Variants in PIGF observed in about 807,000 individuals in gnomAD.
PIGF encodes phosphatidylinositol glycan anchor biosynthesis class F.
PIGF carries 23 observed loss-of-function variants against 26.0 expected under a neutral mutation model. That is an observed-to-expected ratio of 0.88 (90% CI 0.64 to 1.25). PIGF has a LOEUF of 1.25. Among genes scored for constraint, PIGF ranks in the 50% most tolerant of loss-of-function variants. PIGF has a pLI of 0.00. For synonymous variants in PIGF, 93 were observed against 92.6 expected (o/e 1.00, Z -0.03); for missense variants, 278 against 249.9 (o/e 1.11, Z -0.76).
chr2:46,607,213 C>A (rs1012166537), intron 4 of PIGF, among the ~76,000 whole-genome samples: 2 of 152,220 alleles, frequency 1.3e-5, no homozygotes, highest in Admixed American at 6.5e-5. Flanking sequence ...GCCACACATA[C>A]GCACATCTGG....
chr2:46,608,686 GA>G (rs1297100200), intron 4 of PIGF, among the ~76,000 whole-genome samples: 2 of 152,032 alleles, frequency 1.3e-5, no homozygotes, highest in Admixed American at 1.3e-4. Flanking sequence ...TTGTAGGCAT[GA>G]AAAAAACATT....
In PIGF at chr2:46,606,847, A is replaced by T. The variant is rs370839644; in HGVS notation, c.437+5381T>A. Among the ~76,000 whole-genome samples, 4 of 152,272 alleles carry T rather than the reference A, an allele frequency of 2.6e-5. No homozygotes were observed. The East Asian group carries it at 5.8e-4, about 22-fold the overall frequency. On this transcript the variant is annotated intron_variant, in intron 4 of 5. Transcript: ENST00000281382. ...AACCAAAATGCAAAATGTGGAAAGA[A>T]CCTAGATGTCCATCAACTGATAAAT...
rs754858821 is a variant in PIGF at position 46,588,196 on chromosome 2, G to T, written c.546+4279C>A. On this transcript the variant is annotated intron_variant, in intron 5 of 5. Transcript: ENST00000281382. The surrounding 1 kb of genome is among the most constrained non-coding windows in gnomAD (Gnocchi z 4.1). ...TACTGTCATCTGAAATGTCAGACAGGATTGAAAATTATGTGAAATCCAAAT... is the reference window on the plus strand; with the variant it reads ...TACTGTCATCTGAAATGTCAGACAGTATTGAAAATTATGTGAAATCCAAAT... The T allele has an allele frequency of 1.2e-5, 20 of 1,609,818 alleles. No homozygotes were observed. In the East Asian group the frequency reaches 2.9e-4, roughly 23 times the overall value.
At chr2:46,582,595 T>C (rs548419815) in intron 5 of PIGF, 1 of 152,716 alleles carries the variant, frequency 6.5e-6, no homozygotes, top group South Asian at 2.1e-4. Flanking sequence ...TAGCCTTTCC[T>C]ACATTTAAAC....
chr2:46,585,120 G>A lies in PIGF; in HGVS notation c.547-3529C>T, dbSNP rs1669528946. Among the ~76,000 whole-genome samples the A allele has an allele frequency of 2.0e-5, 3 of 152,230 alleles. No homozygotes were observed. In the South Asian group the frequency reaches 6.2e-4, roughly 32 times the overall value. ...TATCTATTAAATACATAATTCAGCT[G>A]CACTGCTATAAAGATTTCTCCAAAT... On this transcript the variant is annotated intron_variant, in intron 5 of 5. Transcript: ENST00000281382.
In PIGF at chr2:46,601,874, C is replaced by T. The variant is rs1670067383; in HGVS notation, c.438-9291G>A. Reference sequence around the variant, plus strand: ...CTCTTGGCAAGATTTTTGTTTAGTACTATTCAGGAATCTATTTAGTTCACC... The same window carrying T: ...CTCTTGGCAAGATTTTTGTTTAGTATTATTCAGGAATCTATTTAGTTCACC... On this transcript the variant is annotated intron_variant, in intron 4 of 5. Coordinates refer to ENST00000281382, the MANE Select transcript of PIGF (RefSeq NM_002643.4). Among the ~76,000 whole-genome samples the T allele has an allele frequency of 4.0e-5, 6 of 151,882 alleles. No homozygotes were observed. In the South Asian group the frequency reaches 1.2e-3, roughly 31 times the overall value.
Position 46,605,963 on chromosome 2 carries a change from T to C in PIGF, c.437+6265A>G, listed in dbSNP as rs544760127. 1.2e-3 allele frequency among the ~76,000 whole-genome samples: 179 copies of C among 152,324 alleles called. 1 individual carries two copies. Among genetic ancestry groups the C allele is most frequent in the African/African-American group, 3.9e-3 (164 of 41,590 alleles). Reference sequence around the variant, plus strand: ...TATATAAAATGTTTCACATTATAAATTGATAATTTTTAGCCATAGTCCTCT... The same window carrying C: ...TATATAAAATGTTTCACATTATAAACTGATAATTTTTAGCCATAGTCCTCT... On this transcript the variant is annotated intron_variant, in intron 4 of 5. Coordinates refer to ENST00000281382, the MANE Select transcript of PIGF (RefSeq NM_002643.4).
In PIGF at chr2:46,615,471, C is replaced by G. The variant is rs182243987; in HGVS notation, c.-21-286G>C. On this transcript the variant is annotated intron_variant, in intron 1 of 5. Coordinates refer to ENST00000281382, the MANE Select transcript of PIGF (RefSeq NM_002643.4). Reference sequence around the variant, plus strand: ...TCTGCAAAAGGGTCATGTCCTAGGACCAATAAAGCAATTCATTTAAACTTT... The same window carrying G: ...TCTGCAAAAGGGTCATGTCCTAGGAGCAATAAAGCAATTCATTTAAACTTT... 4.8e-3 allele frequency: 1,012 copies of G among 210,620 alleles called. 4 individuals are homozygous for G. The highest frequency in any genetic ancestry group is 7.5e-3 in the Non-Finnish European group (769 of 102,678). The allele number at this position is 210,620 out of a possible 1,614,324, so 13.0% of individuals were successfully genotyped here.
chr2:46,591,985 A>G (rs183516865), intron 5 of PIGF: 118 of 1,298,466 alleles, frequency 9.1e-5, no homozygotes, highest in Non-Finnish European at 1.1e-4. Context: ...AAATATGAAT[A>G]TAAGACCACA....
At chr2:46,612,175 T>C in intron 4 of PIGF, 53 bp downstream of exon 4, 1 of 560,814 alleles carries the variant, frequency 1.8e-6, no homozygotes, top group South Asian at 4.1e-5. Flanking sequence ...GAAAAATACT[T>C]CATTAATTAT....
At position 46,597,941 on chromosome 2, in the gene PIGF, T is replaced by C. The variant is rs116496294; in HGVS notation, c.438-5358A>G. Reference sequence around the variant, plus strand: ...ATATGGGCCTTCTTAATCTAAAATCTCAGGTATTCTGGTTCTTAAAATTGT... The same window carrying C: ...ATATGGGCCTTCTTAATCTAAAATCCCAGGTATTCTGGTTCTTAAAATTGT... On this transcript the variant is annotated intron_variant, in intron 4 of 5. Coordinates refer to ENST00000281382, the MANE Select transcript of PIGF (RefSeq NM_002643.4). 8.0e-3 allele frequency among the ~76,000 whole-genome samples: 1,218 copies of C among 152,338 alleles called. 24 individuals are homozygous for C. Among genetic ancestry groups the C allele is most frequent in the African/African-American group, 0.028 (1,171 of 41,568 alleles).
In PIGF at chr2:46,612,364, A is replaced by T; in HGVS notation, c.321-20T>A. The stretch of plus-strand genomic sequence containing the variant: ...GCCAACCTAGAAAAAAAAAAAGATT[A>T]CTTTTTAAAAAAGTGTTAAAGGTAA... On this transcript the variant is annotated intron_variant, in intron 3 of 5. Transcript: ENST00000281382. 1.1e-6 allele frequency: 1 copy of T among 939,846 alleles called. No individual in the cohort carries two copies. Among genetic ancestry groups the T allele is most frequent in the Non-Finnish European group, 1.6e-6 (1 of 628,832 alleles). 58.2% of individuals were successfully genotyped at this position (939,846 alleles called of 1,614,324 possible). A position where few individuals can be genotyped will look rare whatever the true frequency, so the allele number is the denominator to read the frequency against.
chr2:46,602,575 A>C (rs974652468), intron 4 of PIGF, among the ~76,000 whole-genome samples: 1 of 151,912 alleles, frequency 6.6e-6, no homozygotes, highest in Non-Finnish European at 1.5e-5. Flanking sequence ...GCTGTCTTTA[A>C]GTTAAAAAAA....
At chr2:46,584,232 G>A (rs559393190) in intron 5 of PIGF, among the ~76,000 whole-genome samples, 1 of 151,968 alleles carries the variant, frequency 6.6e-6, no homozygotes, top group Non-Finnish European at 1.5e-5. Context: ...TACTATCTAC[G>A]TAAAGCACTG....
intron 4 of PIGF, among the ~76,000 whole-genome samples, chr2:46,596,674 A>C (rs575967006): frequency 1.1e-4 from 16 of 151,992 alleles, no homozygotes; most frequent in African/African-American, 3.4e-4. Context: ...AAAAAAAAAA[A>C]CATAAATTAA....
chr2:46,597,640 G>A (rs773958200), intron 4 of PIGF, among the ~76,000 whole-genome samples: 5 of 152,080 alleles, frequency 3.3e-5, no homozygotes, highest in Non-Finnish European at 7.4e-5. Context: ...TCGAACTCCT[G>A]ACCTCAAATG....
At chr2:46,606,687 C>T (rs192873679) in intron 4 of PIGF, among the ~76,000 whole-genome samples, 1 of 152,304 alleles carries the variant, frequency 6.6e-6, no homozygotes, top group East Asian at 1.9e-4. Flanking sequence ...AGTTTGAACA[C>T]TGGAGCTTGC....
chr2:46,595,309 T>C (rs1027880452), intron 4 of PIGF, among the ~76,000 whole-genome samples: 3 of 152,220 alleles, frequency 2.0e-5, no homozygotes, highest in Non-Finnish European at 2.9e-5. Context: ...AGCTACTTTC[T>C]GTCTCTCTGG....
In PIGF at chr2:46,581,611, G is replaced by A. The variant is rs774619008; in HGVS notation, c.547-20C>T. ...CCATACCTGAGGAGAGAATGTATGA[G>A]ATCAAAAAAGAACAAATGTTTTATT... On this transcript the variant is annotated intron_variant, in intron 5 of 5. Transcript: ENST00000281382. 6 of 1,604,122 alleles carry A rather than the reference G, an allele frequency of 3.7e-6. No homozygotes were observed. In the South Asian group the frequency reaches 5.6e-5, roughly 15 times the overall value.
Sources: gnomAD v4.1 joint callset for allele counts (sites outside exome capture counted in the v4.1 genomes callset) on GRCh38, gnomAD v4.1.1 for gene constraint, Gnocchi (gnomAD v3.1) non-coding constraint, MANE v1.5 for transcripts, NCBI Gene and HGNC (gene_info 2026-07-23, HGNC 2026-07-21) for gene names.